COMMD6: variants seen among roughly 807,000 people sequenced by gnomAD.
COMMD6 encodes COMM domain-containing protein 6.
Under a neutral mutation model 13.4 loss-of-function variants are expected in COMMD6, and 11 were observed. The ratio of observed to expected loss-of-function variants is 0.82; its 90% CI spans 0.52 to 1.36. The LOEUF (loss-of-function observed/expected upper bound fraction) is 1.36, where lower values mean the gene tolerates loss of function less well. Among genes scored for constraint, COMMD6 ranks in the 40% most tolerant of loss-of-function variants. The pLI, the probability that COMMD6 is intolerant of heterozygous loss-of-function variation, is 0.00. For missense variants in COMMD6, 124 were observed against 102.4 expected (o/e 1.21, Z -0.91); for synonymous variants, 43 against 36.5 (o/e 1.18, Z -0.64).
rs1301388406 is a variant in COMMD6, at chr13:75,526,360, T to A, written c.*229A>T. The A allele has an allele frequency of 2.4e-6, 1 of 423,590 alleles. No individual in the cohort carries two copies. 26.2% of individuals were successfully genotyped at this position (423,590 alleles called of 1,614,324 possible). Reference sequence around the variant, plus strand: ...TTACATCATTCACATTATCACCAAGTATATCCTCTAAAGTGTCTAATTATC... The same window carrying A: ...TTACATCATTCACATTATCACCAAGAATATCCTCTAAAGTGTCTAATTATC... On this transcript the variant is annotated 3_prime_UTR_variant, in exon 4 of 4. Coordinates refer to ENST00000682242, the MANE Select transcript of COMMD6 (RefSeq NM_203495.4).
chr13:75,538,310 T>G (rs1437500908), upstream of COMMD6, among the ~76,000 whole-genome samples: 1 of 152,260 alleles, frequency 6.6e-6, no homozygotes, highest in Non-Finnish European at 1.5e-5. Context: ...CTGCTGTTCC[T>G]CTTGAATCCC....
chr13:75,540,539 T>G (rs897420522), upstream of COMMD6, among the ~76,000 whole-genome samples: 12 of 152,302 alleles, frequency 7.9e-5, no homozygotes, highest in African/African-American at 2.6e-4. Flanking sequence ...TCGATCTGAT[T>G]TGGGGAGAGT....
chr13:75,544,817 T>C (rs1196878370), intron 1 of COMMD6, among the ~76,000 whole-genome samples: 1 of 150,468 alleles, frequency 6.6e-6, no homozygotes, highest in Non-Finnish European at 1.5e-5. Flanking sequence ...GCACGTCTGT[T>C]TGGGAGGCTG....
chr13:75,537,660 C>A lies in COMMD6; in HGVS notation c.54+4G>T. 1.9e-6 allele frequency: 3 copies of A among 1,613,802 alleles called. No individual in the cohort carries two copies. The highest frequency in any genetic ancestry group is 2.5e-6 in the Non-Finnish European group (3 of 1,179,816). ...AGGACAGGGCGGGGCGGCCGCTCACCCACCTGGTTGGTGACCTGAAACGGA... is the reference window on the plus strand; with the variant it reads ...AGGACAGGGCGGGGCGGCCGCTCACACACCTGGTTGGTGACCTGAAACGGA... On this transcript the variant is annotated splice_donor_region_variant and intron_variant, in intron 2 of 3. Coordinates refer to ENST00000682242, the MANE Select transcript of COMMD6 (RefSeq NM_203495.4).
At chr13:75,530,019 A>T in intron 3 of COMMD6, 95 bp downstream of exon 3, 1 of 950,524 alleles carries the variant, frequency 1.1e-6, no homozygotes, top group East Asian at 2.4e-5. Context: ...ACAAATAAAA[A>T]CCATTAAAGT....
Position 75,533,570 on chromosome 13 carries a change from GAA to G in COMMD6, c.55-3306_55-3305del, listed in dbSNP as rs57092186. ...GGCAACAGAGCGAGACCCCAAATCT[GAA>G]AAAAAAAAAAAAAAAAGAGAGAGAG... On this transcript the variant is annotated intron_variant, in intron 2 of 3. Coordinates refer to ENST00000682242, the MANE Select transcript of COMMD6 (RefSeq NM_203495.4). 2.3e-3 allele frequency among the ~76,000 whole-genome samples: 300 copies of G among 131,020 alleles called. 1 individual carries two copies. The highest frequency in any genetic ancestry group is 7.0e-3 in the South Asian group (25 of 3,574). 86.0% of individuals were successfully genotyped at this position (131,020 alleles called of 152,430 possible). A position where few individuals can be genotyped will look rare whatever the true frequency, so the allele number is the denominator to read the frequency against.
intron 3 of COMMD6, chr13:75,527,730 T>C: frequency 7.9e-7 from 1 of 1,272,272 alleles, no homozygotes. Context: ...GAGGACATTG[T>C]GCAAAGTGAA....
intron 2 of COMMD6, among the ~76,000 whole-genome samples, chr13:75,535,197 T>C (rs904169171): frequency 1.3e-5 from 2 of 152,148 alleles, no homozygotes; most frequent in Admixed American, 1.3e-4. Context: ...GCTTGGCGTG[T>C]TCAGGGAACA....
upstream of COMMD6, among the ~76,000 whole-genome samples, chr13:75,540,340 A>ACCCCCC (rs66889294): frequency 9.5e-6 from 1 of 105,084 alleles, no homozygotes; most frequent in Non-Finnish European, 1.9e-5. Flanking sequence ...ACACACACAC[A>ACCCCCC]CACCCACACA....
chr13:75,530,991 A>G (rs528761279), intron 2 of COMMD6, among the ~76,000 whole-genome samples: 2 of 152,378 alleles, frequency 1.3e-5, no homozygotes, highest in South Asian at 2.1e-4. Flanking sequence ...ATATTAAGGC[A>G]CATAACTCTA....
At position 75,536,079 on chromosome 13, in the gene COMMD6, G is replaced by T. The variant is rs137957924; in HGVS notation, c.54+1585C>A. Among the ~76,000 whole-genome samples the T allele has an allele frequency of 2.7e-3, 410 of 152,132 alleles. 6 individuals are homozygous for T. Among genetic ancestry groups the T allele is most frequent in the African/African-American group, 9.4e-3 (392 of 41,512 alleles). On this transcript the variant is annotated intron_variant, in intron 2 of 3. Transcript: ENST00000682242. ...ATTTTTTTATTTTTATAGAGATAAGGTCTTGCTATGTTGCCCATGCTGGTC... is the reference window on the plus strand; with the variant it reads ...ATTTTTTTATTTTTATAGAGATAAGTTCTTGCTATGTTGCCCATGCTGGTC...
At chr13:75,542,634 A>G (rs1236172246), upstream of COMMD6, among the ~76,000 whole-genome samples, 1 of 151,978 alleles carries the variant, frequency 6.6e-6, no homozygotes, top group African/African-American at 2.4e-5. Context: ...GATTCTTACA[A>G]TTTTCACAAT....
upstream of COMMD6, among the ~76,000 whole-genome samples, chr13:75,538,510 T>G (rs1392163728): frequency 6.6e-6 from 1 of 152,246 alleles, no homozygotes; most frequent in Non-Finnish European, 1.5e-5. Flanking sequence ...ACCCTTCATC[T>G]AGATTCACCA....
At position 75,525,954 on chromosome 13, in the gene COMMD6, G is replaced by A. The variant is rs12869081; in HGVS notation, c.*635C>T. On this transcript the variant is annotated 3_prime_UTR_variant, in exon 4 of 4. Coordinates refer to ENST00000682242, the MANE Select transcript of COMMD6 (RefSeq NM_203495.4). ...CTTGTGCTAACGGGTTAACTCCGTC[G>A]TACAGAACTCAGACTAAAACTCGTC... is the stretch of plus-strand genomic sequence containing the variant. 0.11 allele frequency: 16,256 copies of A among 152,180 alleles called. 1,096 individuals are homozygous for A. Among genetic ancestry groups the A allele is most frequent in the Non-Finnish European group, 0.15 (10,490 of 67,988 alleles). 9.4% of individuals were successfully genotyped at this position (152,180 alleles called of 1,614,324 possible).
At chr13:75,528,852 CA>C (rs1256614755) in intron 3 of COMMD6, among the ~76,000 whole-genome samples, 4 of 115,406 alleles carry the variant, frequency 3.5e-5, no homozygotes, top group African/African-American at 6.6e-5. Flanking sequence ...AACTGTGTCC[CA>C]AAAAAAAAGA....
At chr13:75,526,887 T>G (rs1419980986) in intron 3 of COMMD6, among the ~76,000 whole-genome samples, 1 of 152,160 alleles carries the variant, frequency 6.6e-6, no homozygotes, top group Admixed American at 6.5e-5. Context: ...AAAGTCCTTT[T>G]AAGATCACAC....
intron 1 of COMMD6, among the ~76,000 whole-genome samples, chr13:75,544,760 GAAATAAAATA>G (rs543689245): frequency 2.0e-4 from 31 of 151,430 alleles, no homozygotes; most frequent in East Asian, 7.8e-4. Flanking sequence ...CTTTGTCTCA[GAAATAAAATA>G]AAATAAAATA....
intron 1 of COMMD6, among the ~76,000 whole-genome samples, chr13:75,549,147 C>T (rs1013314741): frequency 2.0e-5 from 3 of 152,224 alleles, no homozygotes; most frequent in Non-Finnish European, 4.4e-5. Flanking sequence ...GTTGTCTTGT[C>T]CACTGCCTCT....
Position 75,527,088 on chromosome 13 carries a change from T to C in COMMD6, c.208-449A>G, listed in dbSNP as rs2030290112. ...CCAACATTAACTATGGTTTATATGG[T>C]AGAAGTTTATTTCTCTGTCATTTAA... is the stretch of plus-strand genomic sequence containing the variant. On this transcript the variant is annotated intron_variant, in intron 3 of 3. Coordinates refer to ENST00000682242, the MANE Select transcript of COMMD6 (RefSeq NM_203495.4). Among the ~76,000 whole-genome samples, 8 of 152,200 alleles carry C rather than the reference T, an allele frequency of 5.3e-5. No individual in the cohort carries two copies. The South Asian group carries it at 1.4e-3, about 28-fold the overall frequency.
Sources: gnomAD v4.1 joint callset for allele counts (sites outside exome capture counted in the v4.1 genomes callset) on GRCh38, gnomAD v4.1.1 for gene constraint, MANE v1.5 for transcripts, NCBI Gene and HGNC (gene_info 2026-07-23, HGNC 2026-07-21) for gene names.